Variants in CHMP4B observed in about 807,000 individuals in gnomAD.
The protein encoded by CHMP4B is charged multivesicular body protein 4B.
CHMP4B carries 1 observed loss-of-function variant against 25.1 expected under a neutral mutation model. That is an observed-to-expected ratio of 0.04 (90% CI 0.01 to 0.19). The LOEUF (loss-of-function observed/expected upper bound fraction) is 0.19, where lower values mean the gene tolerates loss of function less well. Ranked by LOEUF, CHMP4B falls within the 10% of genes least tolerant of loss-of-function variation. The pLI, the probability that CHMP4B is intolerant of heterozygous loss-of-function variation, is 1.00. For synonymous variants in CHMP4B, 101 were observed against 115.6 expected, an observed-to-expected ratio of 0.87 and a Z score of 0.81; for missense variants, 151 against 289.7, an observed-to-expected ratio of 0.52 and a Z score of 3.48.
intron 1 of CHMP4B, among the ~76,000 whole-genome samples, chr20:33,823,481 C>G (rs1184793765): frequency 1.3e-5 from 2 of 152,128 alleles, no homozygotes; most frequent in Non-Finnish European, 2.9e-5. Context: ...AAGTGATCCT[C>G]CCACCTCGGC....
intron 1 of CHMP4B, among the ~76,000 whole-genome samples, chr20:33,821,780 T>C (rs1294541556): frequency 6.8e-6 from 1 of 147,500 alleles, no homozygotes; most frequent in African/African-American, 2.4e-5. Flanking sequence ...AAGTTAAAAA[T>C]AAAAGCCCAG....
At position 33,830,933 on chromosome 20, in the gene CHMP4B, G is replaced by GTTTTTTTTTTTTTTTTTTTTT. The variant is rs55917511; in HGVS notation, c.191-17518_191-17517insTTTTTTTTTTTTTTTTTTTTT. Among the ~76,000 whole-genome samples, 4 of 102,576 alleles carry GTTTTTTTTTTTTTTTTTTTTT rather than the reference G, an allele frequency of 3.9e-5. 1 individual carries two copies. Among genetic ancestry groups the GTTTTTTTTTTTTTTTTTTTTT allele is most frequent in the Admixed American group, 2.3e-4 (2 of 8,654 alleles). The allele number at this position is 102,576 out of a possible 152,430, so 67.3% of individuals were successfully genotyped here. A position where few individuals can be genotyped will look rare whatever the true frequency, so the allele number is the denominator to read the frequency against. On this transcript the variant is annotated intron_variant, in intron 1 of 4. Transcript: ENST00000217402. Reference sequence around the variant, plus strand: ...TGAATTAATTGTTCAAAGGAACAGAGTTTTTTTTTTTTTTTTAGTTTTTTT... The same window carrying GTTTTTTTTTTTTTTTTTTTTT: ...TGAATTAATTGTTCAAAGGAACAGAGTTTTTTTTTTTTTTTTTTTTTTTTTTTTTTTTTTTTTAGTTTTTTT...
chr20:33,820,032 G>T (rs1978892685), intron 1 of CHMP4B, among the ~76,000 whole-genome samples: 1 of 151,700 alleles, frequency 6.6e-6, no homozygotes, highest in African/African-American at 2.4e-5. Flanking sequence ...ACCAAAATTA[G>T]CTGGGTGTGG....
chr20:33,814,861 G>A (rs1882169122), intron 1 of CHMP4B, among the ~76,000 whole-genome samples: 1 of 152,124 alleles, frequency 6.6e-6, no homozygotes, highest in South Asian at 2.1e-4. Flanking sequence ...CTGTTGCCCA[G>A]GCTGGTCTCA....
chr20:33,812,290 CT>C (rs1270770368), intron 1 of CHMP4B, among the ~76,000 whole-genome samples: 1 of 152,206 alleles, frequency 6.6e-6, no homozygotes, highest in East Asian at 1.9e-4. Flanking sequence ...AGTTCGGCCT[CT>C]GTTGAGGCCT....
chr20:33,818,081 T>C (rs1374507350), intron 1 of CHMP4B, among the ~76,000 whole-genome samples: 1 of 152,172 alleles, frequency 6.6e-6, no homozygotes, highest in Non-Finnish European at 1.5e-5. Context: ...AGGGCTCTTA[T>C]GAGGATGTGG....
intron 1 of CHMP4B, among the ~76,000 whole-genome samples, chr20:33,813,442 G>A (rs1457288810): frequency 6.6e-6 from 1 of 152,152 alleles, no homozygotes; most frequent in East Asian, 1.9e-4. Context: ...GAGTGGGTGG[G>A]GGATGCGGGT....
intron 1 of CHMP4B, among the ~76,000 whole-genome samples, chr20:33,823,497 G>A (rs1197224068): frequency 6.6e-6 from 1 of 151,946 alleles, no homozygotes; most frequent in African/African-American, 2.4e-5. Context: ...TCGGCCTCCT[G>A]AGTAGCTAGA....
intron 2 of CHMP4B, 87 bp downstream of exon 2, chr20:33,848,731 C>T: frequency 1.5e-6 from 2 of 1,362,314 alleles, no homozygotes; most frequent in Non-Finnish European, 2.1e-6. Context: ...CAGACGGATC[C>T]CTTGACTTAC....
chr20:33,850,464 T>C (rs1979815497), intron 2 of CHMP4B, among the ~76,000 whole-genome samples: 1 of 152,228 alleles, frequency 6.6e-6, no homozygotes, highest in Non-Finnish European at 1.5e-5. Context: ...TGATTGTCAG[T>C]GTGTAGAAGA....
At chr20:33,834,182 C>G (rs7262719) in intron 1 of CHMP4B, among the ~76,000 whole-genome samples, 90 of 152,224 alleles carry the variant, frequency 5.9e-4, no homozygotes, top group African/African-American at 2.1e-3. Context: ...TTGAACTTCT[C>G]GAAGAGCCAG....
chr20:33,823,900 TCCTGG>T (rs1979015340), intron 1 of CHMP4B, among the ~76,000 whole-genome samples: 1 of 152,172 alleles, frequency 6.6e-6, no homozygotes, highest in Non-Finnish European at 1.5e-5. Flanking sequence ...GTTCTTGAAC[TCCTGG>T]GCTCAAGCAG....
rs746552243 is a variant in CHMP4B at position 33,848,630 on chromosome 20, G to A, written c.354G>A (p.Ala118=). ...GCTATGCCGCCAAGGCCATGAAGGC[G>A]GCCCATGACAACATGTACGTGTCCA... is the stretch of plus-strand genomic sequence containing the variant. ...NMGYAAKAMK[A]AHDNMDIDKV... The change falls in exon 2 of 5, where the codon GCG becomes GCA. Residue 118 remains alanine, a synonymous_variant. Coordinates refer to ENST00000217402, the MANE Select transcript of CHMP4B (RefSeq NM_176812.5). 2.6e-5 allele frequency: 42 copies of A among 1,614,072 alleles called. No homozygotes were observed. Among genetic ancestry groups the A allele is most frequent in the Non-Finnish European group, 2.8e-5 (33 of 1,180,044 alleles).
At chr20:33,826,898 C>T (rs1277359135) in intron 1 of CHMP4B, among the ~76,000 whole-genome samples, 1 of 152,170 alleles carries the variant, frequency 6.6e-6, no homozygotes, top group Non-Finnish European at 1.5e-5. Context: ...AGCTGGCTAA[C>T]TCAGTTAGTT....
chr20:33,845,182 G>T (rs893912742), intron 1 of CHMP4B, among the ~76,000 whole-genome samples: 2 of 152,178 alleles, frequency 1.3e-5, no homozygotes, highest in African/African-American at 4.8e-5. Flanking sequence ...GATGACTTGG[G>T]TGAGCTGCAT....
chr20:33,823,782 T>G (rs969154060), intron 1 of CHMP4B, among the ~76,000 whole-genome samples: 1 of 152,090 alleles, frequency 6.6e-6, no homozygotes, highest in Admixed American at 6.5e-5. Flanking sequence ...TGACCTCAGG[T>G]GATTCACTCG....
rs141808219 is a variant in CHMP4B at position 33,818,701 on chromosome 20, C to T, written c.190+7043C>T. Among the ~76,000 whole-genome samples, 699 of 152,274 alleles carry T rather than the reference C, an allele frequency of 4.6e-3. 4 individuals carry two copies. Among genetic ancestry groups the T allele is most frequent in the Middle Eastern group, 0.014 (4 of 294 alleles). ...CACTAGACATTTGTGAACTAGAAAA[C>T]GGGTTGTGATTTCTGCCTCTTGGGG... On this transcript the variant is annotated intron_variant, in intron 1 of 4. Transcript: ENST00000217402.
chr20:33,837,387 T>C (rs1013767461), intron 1 of CHMP4B, among the ~76,000 whole-genome samples: 1 of 151,790 alleles, frequency 6.6e-6, no homozygotes, highest in Admixed American at 6.6e-5. Context: ...AGGATCAAGA[T>C]TTTTAAGATT....
chr20:33,844,986 C>T lies in CHMP4B; in HGVS notation c.191-3481C>T, dbSNP rs539772881. Among the ~76,000 whole-genome samples the T allele has an allele frequency of 1.1e-4, 16 of 152,224 alleles. No individual in the cohort carries two copies. In the East Asian group the frequency reaches 2.7e-3, roughly 26 times the overall value. On this transcript the variant is annotated intron_variant, in intron 1 of 4. Coordinates refer to ENST00000217402, the MANE Select transcript of CHMP4B (RefSeq NM_176812.5). ...GTGTTAGCCAGGATGGTCTTGATCT[C>T]CTGACTTTGTAATCCACCCGCCTTG...
Sources: gnomAD v4.1 joint callset for allele counts (sites outside exome capture counted in the v4.1 genomes callset) on GRCh38, gnomAD v4.1.1 for gene constraint, MANE v1.5 for transcripts, NCBI Gene and HGNC (gene_info 2026-07-23, HGNC 2026-07-21) for gene names.